Variants in TASP1 observed in about 807,000 individuals in gnomAD.
TASP1 encodes taspase 1.
A neutral mutation model predicts 56.6 loss-of-function variants in TASP1; 16 were observed. The ratio of observed to expected loss-of-function variants is 0.28; its 90% CI spans 0.19 to 0.43. TASP1 has a LOEUF of 0.43. TASP1 is among the 20% of genes least tolerant of loss of function. The pLI is 1.00. For missense variants in TASP1, 393 were observed against 511.6 expected, an observed-to-expected ratio of 0.77 and a Z score of 2.24; for synonymous variants, 179 against 184.2, an observed-to-expected ratio of 0.97 and a Z score of 0.23.
chr20:13,574,822 G>T (rs889576397), intron 6 of TASP1, among the ~76,000 whole-genome samples: 1 of 152,006 alleles, frequency 6.6e-6, no homozygotes, highest in Non-Finnish European at 1.5e-5. Flanking sequence ...AATGAAAAAA[G>T]TAAACAAATC....
chr20:13,483,271 T>C lies in TASP1; in HGVS notation c.941A>G (p.Asp314Gly), dbSNP rs1409404436. 6.2e-7 allele frequency: 1 copy of C among 1,603,272 alleles called. No homozygotes were observed. The highest frequency in any genetic ancestry group is 8.5e-7 in the Non-Finnish European group (1 of 1,174,476). Reference sequence around the variant, plus strand: ...AGTCTCCAACAGGGCTTGGTGAGCATCCTCAGCTTGTAAAGCATGTGAACA... The same window carrying C: ...AGTCTCCAACAGGGCTTGGTGAGCACCCTCAGCTTGTAAAGCATGTGAACA... ...RECSHALQAEDAHQALLETMQ... is the reference protein window; with the variant it reads ...RECSHALQAEGAHQALLETMQ... The change falls in exon 11 of 14, where the codon GAT becomes GGT. Residue 314 changes from aspartate (D) to glycine (G), a missense_variant. Asp to Gly is a moderately conservative substitution (Grantham distance 94, BLOSUM62 -1). Coordinates refer to ENST00000337743, the MANE Select transcript of TASP1 (RefSeq NM_017714.3).
chr20:13,238,591 A>G, the TASP1 span, among the ~76,000 whole-genome samples: 1 of 152,240 alleles, frequency 6.6e-6, no homozygotes, highest in South Asian at 2.1e-4. Context: ...TCAACTAGAA[A>G]ACAACAAAGT....
At chr20:13,391,796 T>TCAA (rs2041293546) in intron 13 of TASP1, among the ~76,000 whole-genome samples, 1 of 150,264 alleles carries the variant, frequency 6.7e-6, no homozygotes, top group African/African-American at 2.4e-5. Flanking sequence ...TGAAACCCTG[T>TCAA]CTCTACTAAA....
At chr20:13,521,239 AGAAATAC>A in intron 10 of TASP1, among the ~76,000 whole-genome samples, 2 of 152,300 alleles carry the variant, frequency 1.3e-5, no homozygotes, top group Middle Eastern at 3.4e-3. Context: ...ATCTAGAACT[AGAAATAC>A]CATTTGACCC....
chr20:13,243,598 T>C, the TASP1 span, among the ~76,000 whole-genome samples: 2 of 152,128 alleles, frequency 1.3e-5, no homozygotes, highest in South Asian at 2.1e-4. Flanking sequence ...AAAACGACCA[T>C]CTGAATGCCA....
the TASP1 span, among the ~76,000 whole-genome samples, chr20:13,348,855 T>C: frequency 6.6e-6 from 1 of 152,156 alleles, no homozygotes; most frequent in Non-Finnish European, 1.5e-5. Flanking sequence ...TTCTTATTCC[T>C]TAGTACAGTT....
At chr20:13,105,243 C>T in the TASP1 span, among the ~76,000 whole-genome samples, 1 of 150,558 alleles carries the variant, frequency 6.6e-6, no homozygotes, top group African/African-American at 2.5e-5. Flanking sequence ...TCTAAGAGGT[C>T]GGAGAGTTCA....
At chr20:13,637,638 C>T (rs2049357249) in intron 1 of TASP1, among the ~76,000 whole-genome samples, 1 of 152,120 alleles carries the variant, frequency 6.6e-6, no homozygotes. Context: ...CAAGTGAGGC[C>T]ATATATTCTA....
the TASP1 span, among the ~76,000 whole-genome samples, chr20:13,122,616 A>G: frequency 5.9e-5 from 9 of 152,244 alleles, no homozygotes; most frequent in Admixed American, 3.3e-4. Flanking sequence ...ATGGGAATTA[A>G]AACAGTACCT....
chr20:13,593,369 G>A (rs1197000617), intron 4 of TASP1, among the ~76,000 whole-genome samples: 1 of 152,174 alleles, frequency 6.6e-6, no homozygotes, highest in Non-Finnish European at 1.5e-5. Flanking sequence ...ACAGTGGGTG[G>A]AGGCCACGGA....
At chr20:13,377,246 C>T in the TASP1 span, among the ~76,000 whole-genome samples, 276 of 152,248 alleles carry the variant, frequency 1.8e-3, no homozygotes, top group African/African-American at 6.4e-3. Flanking sequence ...AGATACATTC[C>T]ATCGATACCT....
the TASP1 span, among the ~76,000 whole-genome samples, chr20:13,358,114 C>A: frequency 1.5e-4 from 23 of 152,216 alleles, no homozygotes; most frequent in African/African-American, 4.8e-4. Flanking sequence ...AGCACCCCCA[C>A]TGAGCACCTT....
chr20:13,638,765 G>A (rs1266802227), intron 1 of TASP1, 129 bp downstream of exon 1: 2 of 152,382 alleles, frequency 1.3e-5, no homozygotes, highest in African/African-American at 2.4e-5. Context: ...CCGGGGCAAG[G>A]GGTGTCCTGC....
chr20:13,361,601 C>A, the TASP1 span, among the ~76,000 whole-genome samples: 1 of 152,126 alleles, frequency 6.6e-6, no homozygotes, highest in Non-Finnish European at 1.5e-5. Flanking sequence ...TGTATAGACG[C>A]CTTTTTATTA....
At chr20:13,376,728 T>C in the TASP1 span, among the ~76,000 whole-genome samples, 1 of 152,240 alleles carries the variant, frequency 6.6e-6, no homozygotes, top group Non-Finnish European at 1.5e-5. Context: ...TGTTTTTCCA[T>C]TTGTTTGTGT....
At chr20:13,506,812 G>C (rs2044148952) in intron 10 of TASP1, among the ~76,000 whole-genome samples, 1 of 151,156 alleles carries the variant, frequency 6.6e-6, no homozygotes, top group Admixed American at 6.6e-5. Context: ...TCAGGAACAA[G>C]ATAAGGATAC....
the TASP1 span, among the ~76,000 whole-genome samples, chr20:13,378,001 T>C: frequency 6.6e-6 from 1 of 152,204 alleles, no homozygotes; most frequent in African/African-American, 2.4e-5. Flanking sequence ...TCTATATATT[T>C]TGTTAATTTT....
the TASP1 span, among the ~76,000 whole-genome samples, chr20:13,365,053 A>G: frequency 6.6e-6 from 1 of 152,248 alleles, no homozygotes; most frequent in African/African-American, 2.4e-5. Flanking sequence ...ATAATTGATG[A>G]TGGAAAATTC....
At chr20:13,410,154 T>C (rs1283971421) in intron 13 of TASP1, among the ~76,000 whole-genome samples, 1 of 152,200 alleles carries the variant, frequency 6.6e-6, no homozygotes, top group East Asian at 1.9e-4. Context: ...AATGACATGA[T>C]TTCATTCTTT....
Sources: allele counts gnomAD v4.1 joint callset (sites outside exome capture counted in the v4.1 genomes callset), GRCh38; gene constraint gnomAD v4.1.1; transcripts MANE v1.5; gene names NCBI Gene and HGNC (gene_info 2026-07-23, HGNC 2026-07-21).